The following NEK11 variants were observed in gnomAD, a reference collection of about 807,000 sequenced individuals.
The protein encoded by NEK11 is NIMA related kinase 11, also known as serine/threonine-protein kinase Nek11.
In NEK11, 72 loss-of-function variants were observed where a neutral mutation model predicts 80.7. The ratio of observed to expected loss-of-function variants is 0.89; its 90% CI spans 0.74 to 1.08. The LOEUF (loss-of-function observed/expected upper bound fraction) is 1.08. Ranked by LOEUF, NEK11 falls within the 50% of genes least tolerant of loss-of-function variation. The pLI is 0.00. For missense variants in NEK11, 764 were observed against 763.6 expected, an observed-to-expected ratio of 1.00 and a Z score of -0.01; for synonymous variants, 251 against 260.7, an observed-to-expected ratio of 0.96 and a Z score of 0.36.
chr3:131,130,533 TC>T (rs2084241230), intron 5 of NEK11, among the ~76,000 whole-genome samples: 1 of 152,158 alleles, frequency 6.6e-6, no homozygotes, highest in East Asian at 1.9e-4. Flanking sequence ...CAGAAAAACG[TC>T]AGGGTTCTCA....
chr3:131,264,913 T>C (rs1167640022), intron 16 of NEK11, among the ~76,000 whole-genome samples: 1 of 152,210 alleles, frequency 6.6e-6, no homozygotes, highest in Non-Finnish European at 1.5e-5. Context: ...GTAGTTCTCC[T>C]TGAAGAGGTC....
chr3:131,298,485 C>A (rs2096625827), intron 17 of NEK11, among the ~76,000 whole-genome samples: 2 of 152,142 alleles, frequency 1.3e-5, no homozygotes, highest in East Asian at 1.9e-4. Flanking sequence ...TCTCCTTAAG[C>A]TGATAAGCAA....
intron 17 of NEK11, among the ~76,000 whole-genome samples, chr3:131,335,305 T>A (rs1205951295): frequency 6.6e-6 from 1 of 152,252 alleles, no homozygotes; most frequent in Non-Finnish European, 1.5e-5. Flanking sequence ...GATGCAAGGC[T>A]GGTTCAATAT....
At chr3:131,162,302 A>T in intron 10 of NEK11, 106 bp from the exon 11 acceptor site, 1 of 1,390,834 alleles carries the variant, frequency 7.2e-7, no homozygotes. Flanking sequence ...CTGTCTCAAG[A>T]TGCTTTTGCT....
rs6810175 is a variant in NEK11, at chr3:131,224,876, C to T, written c.1400-3652C>T. 5.2e-3 allele frequency among the ~76,000 whole-genome samples: 787 copies of T among 152,262 alleles called. 11 individuals are homozygous for T. Among genetic ancestry groups the T allele is most frequent in the African/African-American group, 0.018 (735 of 41,546 alleles). On this transcript the variant is annotated intron_variant, in intron 14 of 17. Transcript: ENST00000383366. The stretch of plus-strand genomic sequence containing the variant: ...AGATATGAAAAAAAGAAAATATTTT[C>T]GTACAGCTGTACAATGTGTTTGTGT...
At chr3:131,227,433 T>C (rs1349226319) in intron 14 of NEK11, among the ~76,000 whole-genome samples, 1 of 152,168 alleles carries the variant, frequency 6.6e-6, no homozygotes, top group Non-Finnish European at 1.5e-5. Context: ...TCTACTAGAT[T>C]ACACTTATGT....
chr3:131,314,272 C>T (rs1053646295), intron 17 of NEK11, among the ~76,000 whole-genome samples: 2 of 152,172 alleles, frequency 1.3e-5, no homozygotes, highest in Non-Finnish European at 2.9e-5. Flanking sequence ...CATGGAACAA[C>T]CATCAAGAAT....
chr3:131,045,777 T>C (rs1331047920), intron 3 of NEK11, among the ~76,000 whole-genome samples: 1 of 152,208 alleles, frequency 6.6e-6, no homozygotes, highest in Non-Finnish European at 1.5e-5. Context: ...TTTGTAAATT[T>C]GGGAGCTCCA....
At chr3:131,248,651 C>T (rs1226014303) in intron 16 of NEK11, among the ~76,000 whole-genome samples, 1 of 152,052 alleles carries the variant, frequency 6.6e-6, no homozygotes, top group Non-Finnish European at 1.5e-5. Flanking sequence ...CATATTAGGG[C>T]TTTACTCACA....
At chr3:131,094,820 A>G (rs1021192913) in intron 4 of NEK11, among the ~76,000 whole-genome samples, 2 of 152,210 alleles carry the variant, frequency 1.3e-5, no homozygotes, top group Non-Finnish European at 2.9e-5. Flanking sequence ...TATGGGTTTG[A>G]CAAACCAGAC....
At chr3:131,165,332 A>C in intron 11 of NEK11, 94 bp from the exon 12 acceptor site, 1 of 756,412 alleles carries the variant, frequency 1.3e-6, no homozygotes, top group East Asian at 2.8e-5. Context: ...TCCCCCAGTC[A>C]GTCTGTTGAA....
chr3:131,104,607 C>T (rs1320910614), intron 4 of NEK11, among the ~76,000 whole-genome samples: 1 of 152,044 alleles, frequency 6.6e-6, no homozygotes, highest in Non-Finnish European at 1.5e-5. Flanking sequence ...TTGGACCTTG[C>T]CTGATGAGGT....
intron 11 of NEK11, among the ~76,000 whole-genome samples, chr3:131,163,460 G>A (rs1418813607): frequency 5.9e-5 from 9 of 152,004 alleles, no homozygotes; most frequent in Admixed American, 5.9e-4. Flanking sequence ...GAACCTGGAG[G>A]ACATTATGTT....
At chr3:131,176,331 T>A (rs1164654295) in intron 14 of NEK11, among the ~76,000 whole-genome samples, 1 of 152,190 alleles carries the variant, frequency 6.6e-6, no homozygotes, top group Non-Finnish European at 1.5e-5. Flanking sequence ...TCCTAGATCT[T>A]CCGTCACTTC....
chr3:131,041,514 GTGTGTGTA>G (rs1298752024), intron 3 of NEK11, among the ~76,000 whole-genome samples: 1 of 152,116 alleles, frequency 6.6e-6, no homozygotes, highest in Non-Finnish European at 1.5e-5. Flanking sequence ...CTCTGTGTGT[GTGTGTGTA>G]TGTGTATACA....
At chr3:131,173,608 G>A (rs2092824656) in intron 14 of NEK11, among the ~76,000 whole-genome samples, 1 of 151,206 alleles carries the variant, frequency 6.6e-6, no homozygotes, top group Admixed American at 6.6e-5. Flanking sequence ...TTCGGTGGTG[G>A]TAGGTAGAAG....
intron 17 of NEK11, among the ~76,000 whole-genome samples, chr3:131,335,462 A>G (rs373103024): frequency 1.2e-4 from 18 of 152,334 alleles, no homozygotes; most frequent in African/African-American, 3.8e-4. Flanking sequence ...TTGATGGGAC[A>G]TATCTCAAAA....
chr3:131,319,998 C>T (rs2096881758), intron 17 of NEK11, among the ~76,000 whole-genome samples: 1 of 151,930 alleles, frequency 6.6e-6, no homozygotes, highest in Non-Finnish European at 1.5e-5. Context: ...TGAAATTGCC[C>T]ATATTTGACT....
intron 16 of NEK11, among the ~76,000 whole-genome samples, chr3:131,252,237 G>A (rs371522398): frequency 6.6e-6 from 1 of 152,080 alleles, no homozygotes; most frequent in East Asian, 1.9e-4. Flanking sequence ...ATTGAACTAG[G>A]CTTTACTCAT....
Sources: allele counts gnomAD v4.1 joint callset (sites outside exome capture counted in the v4.1 genomes callset), GRCh38; gene constraint gnomAD v4.1.1; transcripts MANE v1.5; gene names NCBI Gene and HGNC (gene_info 2026-07-23, HGNC 2026-07-21).